Variants in KLHDC1 observed in about 807,000 individuals in gnomAD.
The protein encoded by KLHDC1 is kelch domain-containing protein 1.
In KLHDC1, 53 loss-of-function variants were observed where a neutral mutation model predicts 68.3. The observed-to-expected ratio is 0.78, with a 90% confidence interval of 0.62 to 0.98. KLHDC1 has a LOEUF of 0.98. Among genes scored for constraint, KLHDC1 ranks in the 50% least tolerant of loss-of-function variants. KLHDC1 has a pLI of 0.00. For missense variants in KLHDC1, 470 were observed against 492.3 expected (o/e 0.95, Z 0.43); for synonymous variants, 148 against 159.0 (o/e 0.93, Z 0.52).
chr14:49,731,342 A>T (rs755739833), intron 8 of KLHDC1, among the ~76,000 whole-genome samples: 8 of 152,224 alleles, frequency 5.3e-5, no homozygotes, highest in Non-Finnish European at 8.8e-5. Context: ...TTTTGTAAAA[A>T]ACAAATTGTA....
intron 1 of KLHDC1, among the ~76,000 whole-genome samples, chr14:49,700,976 A>G (rs541331609): frequency 3.7e-4 from 56 of 152,130 alleles, no homozygotes; most frequent in African/African-American, 1.3e-3. Flanking sequence ...CCAGCTACTC[A>G]GGAGGCCGAG....
At position 49,752,671 on chromosome 14, in the gene KLHDC1, T is replaced by TA. The variant is rs1889343310; in HGVS notation, c.*900dup. On this transcript the variant is annotated 3_prime_UTR_variant, in exon 13 of 13. Coordinates refer to ENST00000359332, the MANE Select transcript of KLHDC1 (RefSeq NM_172193.3). ...TCTACAGAGTTGTACTCAAGACAGA[T>TA]ACTGAAAAAATCTAATACCTTCCCT... is the stretch of plus-strand genomic sequence containing the variant. The TA allele has an allele frequency of 6.6e-6, 1 of 152,090 alleles. No homozygotes were observed. The highest frequency in any genetic ancestry group is 2.1e-4 in the South Asian group (1 of 4,832). 9.4% of individuals were successfully genotyped at this position (152,090 alleles called of 1,614,324 possible). A position where few individuals can be genotyped will look rare whatever the true frequency, so the allele number is the denominator to read the frequency against.
intron 1 of KLHDC1, chr14:49,708,655 C>G (rs1203760190): frequency 6.5e-6 from 1 of 152,716 alleles, no homozygotes; most frequent in Non-Finnish European, 1.5e-5. Flanking sequence ...ACAACTAATA[C>G]TATGCCTTGC....
Position 49,732,733 on chromosome 14 carries a change from A to G in KLHDC1, c.740A>G (p.His247Arg). 2 of 1,607,366 alleles carry G rather than the reference A, an allele frequency of 1.2e-6. No individual in the cohort carries two copies. The highest frequency in any genetic ancestry group is 2.2e-5 in the East Asian group (1 of 44,788). Reference protein sequence around the residue: ...RITINGESPKHRSWHTLTPIA... With the variant: ...RITINGESPKRRSWHTLTPIA... The stretch of plus-strand genomic sequence containing the variant: ...ACTATTAATGGAGAAAGCCCAAAAC[A>G]TCGGTCATGGCATACTTTAACACCT... The change falls in exon 9 of 13, where the codon CAT (histidine) becomes CGT (arginine). Residue 247 changes from histidine to arginine, a missense_variant. Coordinates refer to ENST00000359332, the MANE Select transcript of KLHDC1 (RefSeq NM_172193.3).
At chr14:49,707,581 T>C (rs12896406) in intron 1 of KLHDC1, 135,531 of 149,008 alleles carry the variant, frequency 0.91, 63,071 homozygotes, top group East Asian at 1. Flanking sequence ...CTCTTGATCT[T>C]GTGATCCACC....
chr14:49,729,054 T>G, intron 7 of KLHDC1, 45 bp downstream of exon 7: 1 of 1,233,612 alleles, frequency 8.1e-7, no homozygotes. Flanking sequence ...GCAATGCTCC[T>G]TATAAAAATT....
At chr14:49,742,366 C>G (rs1362743403) in intron 11 of KLHDC1, among the ~76,000 whole-genome samples, 1 of 152,156 alleles carries the variant, frequency 6.6e-6, no homozygotes, top group Non-Finnish European at 1.5e-5. Context: ...TCTTGACTTT[C>G]AAATTAAGAA....
chr14:49,714,310 A>G (rs1273999383), intron 4 of KLHDC1, among the ~76,000 whole-genome samples: 3 of 151,472 alleles, frequency 2.0e-5, no homozygotes, highest in African/African-American at 7.3e-5. Flanking sequence ...TGTCTCTACT[A>G]AAAATACAAA....
At chr14:49,732,451 G>A (rs10146791) in intron 8 of KLHDC1, among the ~76,000 whole-genome samples, 102,452 of 152,054 alleles carry the variant, frequency 0.67, 35,110 homozygotes, top group South Asian at 0.89. Flanking sequence ...GGAATTACAG[G>A]CATGAGCCAC....
intron 6 of KLHDC1, among the ~76,000 whole-genome samples, chr14:49,727,600 T>C (rs769726341): frequency 6.6e-6 from 1 of 152,166 alleles, no homozygotes; most frequent in Non-Finnish European, 1.5e-5. Flanking sequence ...GGCAATAAAT[T>C]TCAGATTTCC....
chr14:49,699,401 C>T (rs1887837370), intron 1 of KLHDC1, among the ~76,000 whole-genome samples: 1 of 150,028 alleles, frequency 6.7e-6, no homozygotes, highest in Non-Finnish European at 1.5e-5. Flanking sequence ...AAAAAGAAGC[C>T]ATATGGGTAG....
intron 6 of KLHDC1, 123 bp from the exon 7 acceptor site, chr14:49,728,803 T>C (rs1888732802): frequency 1.4e-6 from 1 of 717,106 alleles, no homozygotes. Context: ...CATTAGCGTT[T>C]TTAATTGAAT....
At chr14:49,699,589 A>C (rs554668288) in intron 1 of KLHDC1, among the ~76,000 whole-genome samples, 28 of 152,344 alleles carry the variant, frequency 1.8e-4, no homozygotes, top group Non-Finnish European at 4.0e-4. Context: ...TAGATTATAT[A>C]TTCCAGTCAC....
chr14:49,696,548 T>G (rs949598071), intron 1 of KLHDC1, among the ~76,000 whole-genome samples: 4 of 152,176 alleles, frequency 2.6e-5, no homozygotes, highest in African/African-American at 9.6e-5. Context: ...TTCAAACTTC[T>G]GCAGTTTCTC....
intron 8 of KLHDC1, among the ~76,000 whole-genome samples, chr14:49,730,980 A>G (rs1046028935): frequency 2.0e-5 from 3 of 149,964 alleles, no homozygotes; most frequent in African/African-American, 7.4e-5. Flanking sequence ...CTCAAAAACT[A>G]ATAATAAAAA....
intron 4 of KLHDC1, among the ~76,000 whole-genome samples, chr14:49,713,811 TATATATATATATATATATATA>T (rs1888275276): frequency 1.1e-3 from 4 of 3,762 alleles, no homozygotes; most frequent in African/African-American, 2.0e-3. Context: ...TATATATATA[TATATATATATATATATATATA>T]TATATATATA....
At chr14:49,710,473 T>G in intron 4 of KLHDC1, 92 bp downstream of exon 4, 1 of 673,308 alleles carries the variant, frequency 1.5e-6, no homozygotes, top group Non-Finnish European at 2.7e-6. Flanking sequence ...GTATGAGTTT[T>G]TTTCAGGATT....
intron 4 of KLHDC1, among the ~76,000 whole-genome samples, chr14:49,715,765 A>AATATATATATATATATAT (rs1555339251): frequency 3.3e-4 from 17 of 51,370 alleles, no homozygotes; most frequent in East Asian, 1.6e-3. Flanking sequence ...AAAAAAAAAA[A>AATATATATATATATATAT]ATATATATAT....
chr14:49,710,238 C>A, intron 3 of KLHDC1, 25 bp from the exon 4 acceptor site: 1 of 1,199,816 alleles, frequency 8.3e-7, no homozygotes, highest in Non-Finnish European at 1.2e-6. Context: ...GCCCTGTCTG[C>A]TAATAGTGTT....
Sources: gnomAD v4.1 joint callset for allele counts (sites outside exome capture counted in the v4.1 genomes callset) on GRCh38, gnomAD v4.1.1 for gene constraint, MANE v1.5 for transcripts, NCBI Gene and HGNC (gene_info 2026-07-23, HGNC 2026-07-21) for gene names.